DHX35: variants seen among roughly 807,000 people sequenced by gnomAD.
DHX35 encodes the protein probable ATP-dependent RNA helicase DHX35.
A neutral mutation model predicts 99.6 loss-of-function variants in DHX35; 84 were observed. The ratio of observed to expected loss-of-function variants is 0.84; its 90% confidence interval spans 0.71 to 1.01. DHX35 has a LOEUF of 1.01. Among genes scored for constraint, DHX35 ranks in the 50% least tolerant of loss-of-function variants. The pLI is 0.00. For missense variants in DHX35, 852 were observed against 888.5 expected (o/e 0.96, Z 0.52); for synonymous variants, 331 against 316.2 (o/e 1.05, Z -0.50).
At chr20:39,020,623 C>G (rs1247958018) in intron 15 of DHX35, among the ~76,000 whole-genome samples, 1 of 146,446 alleles carries the variant, frequency 6.8e-6, no homozygotes, top group Non-Finnish European at 1.5e-5. Context: ...GGAACAACCA[C>G]TTGTTCTCAG....
chr20:39,023,790 G>T, intron 17 of DHX35, 23 bp downstream of exon 17: 1 of 1,602,994 alleles, frequency 6.2e-7, no homozygotes, highest in Non-Finnish European at 8.5e-7. Flanking sequence ...ACTGCTCGAA[G>T]TGCCGCCTCA....
At chr20:39,010,494 C>G in intron 13 of DHX35, 90 bp downstream of exon 13, 1 of 1,522,388 alleles carries the variant, frequency 6.6e-7, no homozygotes, top group Non-Finnish European at 8.9e-7. Flanking sequence ...GCCATCTTTC[C>G]TTTTTTTCCC....
At chr20:39,030,645 G>T in intron 19 of DHX35, 59 bp from the exon 20 acceptor site, 1 of 1,485,244 alleles carries the variant, frequency 6.7e-7, no homozygotes. Flanking sequence ...ATATCTGTGG[G>T]AAAGTCTTGC....
At chr20:38,972,913 A>G (rs1342408482) in intron 3 of DHX35, among the ~76,000 whole-genome samples, 1 of 152,256 alleles carries the variant, frequency 6.6e-6, no homozygotes, top group Non-Finnish European at 1.5e-5. Flanking sequence ...AGATTTATTC[A>G]AAGATGTGAA....
intron 2 of DHX35, among the ~76,000 whole-genome samples, chr20:38,970,174 C>T (rs2085972874): frequency 6.6e-6 from 1 of 152,164 alleles, no homozygotes; most frequent in Non-Finnish European, 1.5e-5. Flanking sequence ...TCTCCTGCCT[C>T]GGCCTCCCAA....
At chr20:39,024,642 A>C (rs1488897010) in intron 17 of DHX35, among the ~76,000 whole-genome samples, 1 of 152,208 alleles carries the variant, frequency 6.6e-6, no homozygotes, top group Non-Finnish European at 1.5e-5. Context: ...CCTTCTTGGA[A>C]TATCTTCTAT....
At chr20:38,966,568 C>T (rs1159625353) in intron 1 of DHX35, among the ~76,000 whole-genome samples, 6 of 152,154 alleles carry the variant, frequency 3.9e-5, no homozygotes, top group Non-Finnish European at 4.4e-5. Flanking sequence ...ACTCGGGATG[C>T]CCAGGCAGGA....
At chr20:38,999,677 A>G (rs1474149341) in intron 8 of DHX35, among the ~76,000 whole-genome samples, 1 of 152,158 alleles carries the variant, frequency 6.6e-6, no homozygotes, top group Non-Finnish European at 1.5e-5. Flanking sequence ...GTATCTCTGG[A>G]ATGCTTTGCC....
At chr20:39,024,746 A>C (rs113604544) in intron 17 of DHX35, among the ~76,000 whole-genome samples, 2 of 152,262 alleles carry the variant, frequency 1.3e-5, no homozygotes, top group African/African-American at 4.8e-5. Context: ...CATAATGATC[A>C]TACTTATGAA....
intron 16 of DHX35, 58 bp from the exon 17 acceptor site, chr20:39,023,630 GGT>G (rs2145933728): frequency 6.6e-7 from 1 of 1,515,366 alleles, no homozygotes; most frequent in South Asian, 1.1e-5. Context: ...TGGGATTATA[GGT>G]GTGAGCCACC....
chr20:39,018,968 G>A (rs2086831223), intron 15 of DHX35, 69 bp downstream of exon 15: 1 of 1,443,362 alleles, frequency 6.9e-7, no homozygotes, highest in Non-Finnish European at 9.7e-7. Flanking sequence ...CCTGAATTCT[G>A]AGCACCCTGG....
At chr20:39,027,253 A>G (rs2086971906) in intron 18 of DHX35, among the ~76,000 whole-genome samples, 1 of 152,260 alleles carries the variant, frequency 6.6e-6, no homozygotes, top group Admixed American at 6.5e-5. Flanking sequence ...TAGGAAAAAT[A>G]CAGAAAATCA....
chr20:39,023,272 G>A (rs2086900453), intron 16 of DHX35, among the ~76,000 whole-genome samples: 1 of 152,206 alleles, frequency 6.6e-6, no homozygotes, highest in African/African-American at 2.4e-5. Flanking sequence ...ATATGGCAGA[G>A]CTAGAATGCT....
chr20:38,968,231 C>A (rs780225068), intron 1 of DHX35, among the ~76,000 whole-genome samples: 1 of 152,116 alleles, frequency 6.6e-6, no homozygotes, highest in Admixed American at 6.5e-5. Flanking sequence ...CTGGCACTGC[C>A]GGCAGCCGTC....
At chr20:38,989,710 C>T (rs1356481270) in intron 5 of DHX35, among the ~76,000 whole-genome samples, 1 of 152,010 alleles carries the variant, frequency 6.6e-6, no homozygotes, top group African/African-American at 2.4e-5. Flanking sequence ...TGTTGTTTCA[C>T]TAATTAGTAC....
chr20:39,025,182 C>T (rs370434952), intron 17 of DHX35, 48 bp from the exon 18 acceptor site: 4 of 1,572,524 alleles, frequency 2.5e-6, no homozygotes, highest in Non-Finnish European at 3.5e-6. Flanking sequence ...TAGCCTTAGT[C>T]GAGAACATAT....
chr20:38,966,351 T>A (rs2085910544), intron 1 of DHX35, among the ~76,000 whole-genome samples: 1 of 152,166 alleles, frequency 6.6e-6, no homozygotes, highest in African/African-American at 2.4e-5. Context: ...AGGTATACTG[T>A]TTATCAACTG....
chr20:39,020,656 CTTTTTTTT>C (rs57246257), intron 15 of DHX35, among the ~76,000 whole-genome samples: 4 of 105,218 alleles, frequency 3.8e-5, no homozygotes, highest in African/African-American at 7.7e-5. Context: ...AAACAGGATT[CTTTTTTTT>C]TTTTTTTTTT....
intron 11 of DHX35, among the ~76,000 whole-genome samples, 196 bp from the exon 12 acceptor site, chr20:39,005,950 C>T (rs1049474488): frequency 6.6e-5 from 10 of 151,972 alleles, no homozygotes; most frequent in African/African-American, 1.7e-4. Flanking sequence ...AGTAACTTGT[C>T]CAGGGTCACA....
Sources: allele counts gnomAD v4.1 joint callset (sites outside exome capture counted in the v4.1 genomes callset), GRCh38; gene constraint gnomAD v4.1.1; transcripts MANE v1.5; gene names NCBI Gene and HGNC (gene_info 2026-07-23, HGNC 2026-07-21).